The following EXD3 variants were observed in gnomAD, a reference collection of about 807,000 sequenced individuals.
EXD3 encodes exonuclease 3'-5' domain containing 3, also known as exonuclease mut-7 homolog.
EXD3 carries 92 observed loss-of-function variants against 98.0 expected under a neutral mutation model. That is an observed-to-expected ratio of 0.94 (90% CI 0.79 to 1.12). The LOEUF (loss-of-function observed/expected upper bound fraction) is 1.12. Ranked by LOEUF, EXD3 falls within the 50% of genes most tolerant of loss-of-function variation. EXD3 has a pLI of 0.00. For synonymous variants in EXD3, 569 were observed against 526.0 expected (o/e 1.08, Z -1.12); for missense variants, 1,222 against 1,191.6 (o/e 1.03, Z -0.38).
intron 1 of EXD3, among the ~76,000 whole-genome samples, chr9:137,402,830 G>A (rs2131798023): frequency 6.6e-6 from 1 of 152,268 alleles, no homozygotes; most frequent in East Asian, 1.9e-4. Context: ...ACATGGCTGG[G>A]GAGGCCTCAG....
chr9:137,362,872 G>A (rs912513272), intron 7 of EXD3, among the ~76,000 whole-genome samples: 13 of 152,044 alleles, frequency 8.6e-5, no homozygotes, highest in Admixed American at 1.3e-4. Flanking sequence ...GTGCAATGGC[G>A]CAATCTCGGC....
rs1412779773 is a variant in EXD3 at position 137,407,508 on chromosome 9, CAACCCAG to C, written c.-47-12111_-47-12105del. 1.3e-5 allele frequency among the ~76,000 whole-genome samples: 2 copies of C among 152,172 alleles called. No individual in the cohort carries two copies. The highest frequency in any genetic ancestry group is 2.9e-5 in the Non-Finnish European group (2 of 68,022). ...CTCGGGCTCTGCCCTGCCAGCCCCACAACCCAGAACCCAGCGTCCCCGCCCCCATCTC... is the reference window on the plus strand; with the variant it reads ...CTCGGGCTCTGCCCTGCCAGCCCCACAACCCAGCGTCCCCGCCCCCATCTC... On this transcript the variant is annotated intron_variant, in intron 1 of 21. Coordinates refer to ENST00000340951, the MANE Select transcript of EXD3 (RefSeq NM_017820.5). The surrounding 1 kb of genome is among the most constrained non-coding windows in gnomAD (Gnocchi z 4.4).
chr9:137,322,438 C>T (rs1034805755), intron 19 of EXD3, among the ~76,000 whole-genome samples: 32 of 120,844 alleles, frequency 2.6e-4, no homozygotes, highest in South Asian at 8.4e-4. Context: ...GCCGACACCT[C>T]ACCCCGGACC....
At chr9:137,380,666 T>C (rs1303609625) in intron 3 of EXD3, among the ~76,000 whole-genome samples, 3 of 16,002 alleles carry the variant, frequency 1.9e-4, no homozygotes, top group African/African-American at 6.9e-4. Flanking sequence ...AACCCCCCTC[T>C]GGGCATCCCC....
At position 137,393,528 on chromosome 9, in the gene EXD3, C is replaced by T. The variant is rs947218900; in HGVS notation, c.55+1775G>A. Among the ~76,000 whole-genome samples, 13 of 152,340 alleles carry T rather than the reference C, an allele frequency of 8.5e-5. No homozygotes were observed. The highest frequency in any genetic ancestry group is 8.3e-4 in the South Asian group (4 of 4,834). On this transcript the variant is annotated intron_variant, in intron 2 of 21. Transcript: ENST00000340951. This position sits in a 1 kb window ranked among gnomAD's most constrained non-coding sequence, Gnocchi z 4.6. ...GCCCAGCTCAGAGGTGGCCCCTCCC[C>T]GAGCACACGCTGACCTGGCTACATC...
chr9:137,365,968 A>C (rs1835227007), intron 7 of EXD3: 29 of 519,490 alleles, frequency 5.6e-5, no homozygotes, highest in South Asian at 4.5e-4. Context: ...TATCACGTGC[A>C]CACACAGAGA....
chr9:137,322,327 G>A lies in EXD3; in HGVS notation c.2184+1398C>T, dbSNP rs566039883. Among the ~76,000 whole-genome samples the A allele has an allele frequency of 2.4e-4, 37 of 151,936 alleles. 1 individual carries two copies. Among genetic ancestry groups the A allele is most frequent in the African/African-American group, 8.5e-4 (35 of 41,296 alleles). ...CAGCCTGCACTAGGGATGCTCTGCC[G>A]ACGCCTCACCCTGGACCAGGGATTC... On this transcript the variant is annotated intron_variant, in intron 19 of 21. Coordinates refer to ENST00000340951, the MANE Select transcript of EXD3 (RefSeq NM_017820.5).
At chr9:137,308,161 T>C (rs1831148895) in intron 20 of EXD3, among the ~76,000 whole-genome samples, 1 of 152,174 alleles carries the variant, frequency 6.6e-6, no homozygotes, top group Non-Finnish European at 1.5e-5. Flanking sequence ...AGGGCCGGTA[T>C]CCACTCAGGG....
chr9:137,356,526 G>A (rs1286854539), intron 7 of EXD3, among the ~76,000 whole-genome samples, 158 bp from the exon 8 acceptor site: 1 of 152,158 alleles, frequency 6.6e-6, no homozygotes, highest in Non-Finnish European at 1.5e-5. Flanking sequence ...CCCATCCTTA[G>A]CACTTGGAGG....
chr9:137,322,085 C>T (rs1373940527), intron 19 of EXD3, among the ~76,000 whole-genome samples: 3 of 152,162 alleles, frequency 2.0e-5, no homozygotes, highest in Non-Finnish European at 4.4e-5. Flanking sequence ...CACCGAGGTG[C>T]GGCAGTTCCC....
At position 137,372,240 on chromosome 9, in the gene EXD3, G is replaced by C. The variant is rs570878241; in HGVS notation, c.462+665C>G. Among the ~76,000 whole-genome samples, 6 of 152,322 alleles carry C rather than the reference G, an allele frequency of 3.9e-5. No individual in the cohort carries two copies. In the South Asian group the frequency reaches 1.2e-3, roughly 32 times the overall value. ...GTGAAGGGTTGGATACTGATCCGAC[G>C]CATCTCGCACCTGGGCGACTGTGCC... On this transcript the variant is annotated intron_variant, in intron 5 of 21. Coordinates refer to ENST00000340951, the MANE Select transcript of EXD3 (RefSeq NM_017820.5).
At position 137,415,200 on chromosome 9, in the gene EXD3, G is replaced by T. The variant is rs796184961; in HGVS notation, c.-48+7914C>A. On this transcript the variant is annotated intron_variant, in intron 1 of 21. Coordinates refer to ENST00000340951, the MANE Select transcript of EXD3 (RefSeq NM_017820.5). ...ACTGCGCTGGGCCTGTCACAGGTTT[G>T]TTTTTTTTTTTTCTGTTTTTTGAGA... 3.7e-3 allele frequency among the ~76,000 whole-genome samples: 517 copies of T among 140,874 alleles called. 5 individuals are homozygous for T. The highest frequency in any genetic ancestry group is 0.012 in the African/African-American group (450 of 38,698). 92.4% of individuals were successfully genotyped at this position (140,874 alleles called of 152,430 possible).
intron 3 of EXD3, among the ~76,000 whole-genome samples, chr9:137,378,259 AGTGC>A (rs1282130195): frequency 1.3e-5 from 2 of 151,706 alleles, no homozygotes; most frequent in Admixed American, 1.3e-4. Flanking sequence ...TCCAGGCTGG[AGTGC>A]AGTGGCATGA....
Position 137,329,187 on chromosome 9 carries a change from ACTACACGGGG to A in EXD3, c.1999-5054_1999-5045del, listed in dbSNP as rs1475047992. Among the ~76,000 whole-genome samples the A allele has an allele frequency of 7.5e-4, 4 of 5,342 alleles. No individual in the cohort carries two copies. The African/African-American group carries it at 7.7e-3, about 10-fold the overall frequency. The allele number at this position is 5,342 out of a possible 152,430, so 3.5% of individuals were successfully genotyped here. On this transcript the variant is annotated intron_variant, in intron 17 of 21. Coordinates refer to ENST00000340951, the MANE Select transcript of EXD3 (RefSeq NM_017820.5). ...CGGGGCTACACGGGAGCTACACGGG[ACTACACGGGG>A]CTACACGGGGCTACACGGGACGACA...
intron 7 of EXD3, among the ~76,000 whole-genome samples, chr9:137,362,798 CTTTGTTGTTGTTGTT>C (rs1316550209): frequency 5.3e-5 from 8 of 152,050 alleles, no homozygotes; most frequent in Non-Finnish European, 8.8e-5. Flanking sequence ...TCTTCTCAGT[CTTTGTTGTTGTTGTT>C]TTTGTTGTTG....
At chr9:137,335,090 A>C (rs185775944) in intron 17 of EXD3, among the ~76,000 whole-genome samples, 186 of 152,070 alleles carry the variant, frequency 1.2e-3, no homozygotes, top group Middle Eastern at 3.4e-3. Flanking sequence ...AGGAAAAAAA[A>C]AAACAAACAA....
Position 137,352,713 on chromosome 9 carries a change from G to A in EXD3, c.944C>T (p.Thr315Met), listed in dbSNP as rs370293169. 1.5e-5 allele frequency: 24 copies of A among 1,569,560 alleles called. No individual in the cohort carries two copies. The highest frequency in any genetic ancestry group is 7.6e-5 in the Admixed American group (4 of 52,572). The change falls in exon 11 of 22, where the codon ACG (threonine) becomes ATG (methionine). Residue 315 changes from threonine (T) to methionine (M), a missense_variant. Coordinates refer to ENST00000340951, the MANE Select transcript of EXD3 (RefSeq NM_017820.5). ...QLLVSHSDPVTAAQCAMELLL... is the reference protein window; with the variant it reads ...QLLVSHSDPVMAAQCAMELLL... ...GAGTTCCATGGCACACTGGGCGGCC[G>A]TGACTGGGTCACTGTGGGAGACCAG...
chr9:137,351,026 G>T lies in EXD3; in HGVS notation c.1494+12C>A. On this transcript the variant is annotated intron_variant, in intron 14 of 21. Coordinates refer to ENST00000340951, the MANE Select transcript of EXD3 (RefSeq NM_017820.5). ...CACCCGGCATCTTGTGAGCGGCTCA[G>T]TGGGTGCCCACCTGTCTGTGCACCA... 6.4e-7 allele frequency: 1 copy of T among 1,551,946 alleles called. No individual in the cohort carries two copies.
chr9:137,320,224 C>G (rs1041793049), intron 19 of EXD3, among the ~76,000 whole-genome samples: 1 of 152,258 alleles, frequency 6.6e-6, no homozygotes, highest in East Asian at 1.9e-4. Context: ...GCCCCTTCCC[C>G]ACGTCCTGCC....
Sources: allele counts gnomAD v4.1 joint callset (sites outside exome capture counted in the v4.1 genomes callset), GRCh38; gene constraint gnomAD v4.1.1; non-coding constraint Gnocchi (gnomAD v3.1); transcripts MANE v1.5; gene names NCBI Gene and HGNC (gene_info 2026-07-23, HGNC 2026-07-21).